Variants in JAK2 observed in about 807,000 individuals in gnomAD.
JAK2 encodes the protein tyrosine-protein kinase JAK2.
JAK2 carries 86 observed loss-of-function variants against 139.3 expected under a neutral mutation model. That is an observed-to-expected ratio of 0.62 (90% CI 0.52 to 0.74). JAK2 has a LOEUF of 0.74. Ranked by LOEUF, JAK2 falls within the 30% of genes least tolerant of loss-of-function variation. The probability of loss-of-function intolerance (pLI) is 0.00; values close to 1 mark genes in which losing one functional copy is unlikely to be tolerated. For missense variants in JAK2, 1,421 were observed against 1,360.3 expected (o/e 1.04, Z -0.70); for synonymous variants, 490 against 437.7 (o/e 1.12, Z -1.49).
At chr9:5,114,238 T>G (rs1586825417) in intron 22 of JAK2, 1 of 528,826 alleles carries the variant, frequency 1.9e-6, no homozygotes, top group South Asian at 1.7e-5. Context: ...ATCCGCAAGT[T>G]GCCCACAATC....
At chr9:5,105,938 T>A (rs1478294001) in intron 22 of JAK2, among the ~76,000 whole-genome samples, 2 of 152,202 alleles carry the variant, frequency 1.3e-5, no homozygotes, top group Non-Finnish European at 1.5e-5. Flanking sequence ...ACTTAAATGT[T>A]AGACTTAAAA....
At chr9:5,077,631 A>G in intron 15 of JAK2, 51 bp downstream of exon 15, 2 of 1,169,584 alleles carry the variant, frequency 1.7e-6, no homozygotes, top group Non-Finnish European at 2.3e-6. Context: ...TTTATAAAAC[A>G]ATATACAAAT....
chr9:5,081,126 A>T (rs1397017459), intron 18 of JAK2, among the ~76,000 whole-genome samples: 1 of 151,814 alleles, frequency 6.6e-6, no homozygotes, highest in Non-Finnish European at 1.5e-5. Flanking sequence ...CGATCTCCTG[A>T]TCTTGTGATC....
chr9:5,003,917 A>G (rs963131917), intron 2 of JAK2, among the ~76,000 whole-genome samples: 1 of 152,078 alleles, frequency 6.6e-6, no homozygotes, highest in African/African-American at 2.4e-5. Flanking sequence ...GTTAAATTTT[A>G]TTAGGAGTAG....
intron 22 of JAK2, chr9:5,111,047 GA>G: frequency 2.0e-6 from 2 of 984,996 alleles, no homozygotes; most frequent in Non-Finnish European, 3.0e-6. Flanking sequence ...GCGCAATTCA[GA>G]GGTTCAGGTC....
intron 19 of JAK2, chr9:5,085,679 A>G (rs112676690): frequency 4.1e-6 from 3 of 737,076 alleles, no homozygotes; most frequent in Non-Finnish European, 7.6e-6. Context: ...AACGTGCATT[A>G]TCAATAACGT....
At chr9:5,108,216 T>C (rs1416905218) in intron 22 of JAK2, 3 of 152,166 alleles carry the variant, frequency 2.0e-5, no homozygotes, top group Non-Finnish European at 2.9e-5. Context: ...TCTATATTGA[T>C]TTCCCTGCAG....
chr9:5,081,573 G>C (rs1819702424), intron 18 of JAK2, 152 bp from the exon 19 acceptor site: 2 of 577,432 alleles, frequency 3.5e-6, no homozygotes, highest in South Asian at 5.0e-5. Flanking sequence ...ATGATTAAAG[G>C]CTCCCATTAA....
intron 2 of JAK2, among the ~76,000 whole-genome samples, chr9:5,010,826 A>G (rs576534721): frequency 1.3e-5 from 2 of 152,232 alleles, no homozygotes; most frequent in South Asian, 2.1e-4. Context: ...ATCTGAAAAC[A>G]TATTTGTTTT....
Position 5,066,669 on chromosome 9 carries a change from T to A in JAK2, c.1215-9T>A. The A allele has an allele frequency of 6.7e-7, 1 of 1,492,612 alleles. No individual in the cohort carries two copies. Among genetic ancestry groups the A allele is most frequent in the Non-Finnish European group, 9.3e-7 (1 of 1,070,202 alleles). The allele number at this position is 1,492,612 out of a possible 1,614,324, so 92.5% of individuals were successfully genotyped here. Reference sequence around the variant, plus strand: ...TATATTATTCAAATTGCTTCTTCTTTACCTTTAGGATGGATTTTGCCATTA... The same window carrying A: ...TATATTATTCAAATTGCTTCTTCTTAACCTTTAGGATGGATTTTGCCATTA... On this transcript the variant is annotated splice_polypyrimidine_tract_variant and intron_variant, in intron 9 of 24. Transcript: ENST00000381652.
chr9:5,008,757 C>T (rs544727511), intron 2 of JAK2, among the ~76,000 whole-genome samples: 2 of 152,310 alleles, frequency 1.3e-5, no homozygotes, highest in East Asian at 3.8e-4. Context: ...ATCTTTTTAA[C>T]ATGAACCCAG....
intron 19 of JAK2, among the ~76,000 whole-genome samples, chr9:5,088,640 A>T (rs1222419398): frequency 6.6e-6 from 1 of 152,202 alleles, no homozygotes; most frequent in Non-Finnish European, 1.5e-5. Flanking sequence ...GGGTAGCTTA[A>T]ACATCAGACA....
chr9:5,041,031 T>C (rs1378629840), intron 4 of JAK2: 2 of 671,218 alleles, frequency 3.0e-6, no homozygotes, highest in Non-Finnish European at 5.5e-6. Flanking sequence ...TGGGTACCGG[T>C]TCTACAAGCA....
intron 3 of JAK2, among the ~76,000 whole-genome samples, chr9:5,026,637 C>A (rs1822799935): frequency 6.6e-6 from 1 of 152,108 alleles, no homozygotes; most frequent in Admixed American, 6.6e-5. Flanking sequence ...GGTTAGAGAA[C>A]ATGGTATGAA....
At chr9:5,004,637 C>T (rs970714214) in intron 2 of JAK2, among the ~76,000 whole-genome samples, 1 of 151,990 alleles carries the variant, frequency 6.6e-6, no homozygotes. Flanking sequence ...TTTTTAGTTC[C>T]AATACCCAGA....
intron 2 of JAK2, among the ~76,000 whole-genome samples, chr9:4,987,928 A>C (rs990672690): frequency 1.2e-4 from 18 of 152,170 alleles, no homozygotes; most frequent in African/African-American, 4.3e-4. Context: ...GAATGACTGC[A>C]TAAGGTGATC....
At chr9:5,078,252 T>C in intron 15 of JAK2, 54 bp from the exon 16 acceptor site, 2 of 1,444,884 alleles carry the variant, frequency 1.4e-6, no homozygotes, top group Non-Finnish European at 1.9e-6. Flanking sequence ...ACATACTAAA[T>C]GCTCCAGTAC....
Position 5,016,710 on chromosome 9 carries a change from G to A in JAK2, c.-25-5253G>A, listed in dbSNP as rs868583024. On this transcript the variant is annotated intron_variant, in intron 2 of 24. Coordinates refer to ENST00000381652, the MANE Select transcript of JAK2 (RefSeq NM_004972.4). ...TGAATTACTGGCAGGAGGCACCCCA[G>A]AGGTCTCCCTGTACCTCCTGCCAGT... 5.3e-5 allele frequency among the ~76,000 whole-genome samples: 8 copies of A among 152,070 alleles called. No individual in the cohort carries two copies. In the South Asian group the frequency reaches 1.7e-3, roughly 32 times the overall value.
intron 2 of JAK2, among the ~76,000 whole-genome samples, chr9:4,986,345 A>G (rs957013186): frequency 6.6e-6 from 1 of 152,202 alleles, no homozygotes; most frequent in Admixed American, 6.5e-5. Context: ...GAGTATTTCC[A>G]AGCAATAAGA....
Sources: allele counts gnomAD v4.1 joint callset (sites outside exome capture counted in the v4.1 genomes callset), GRCh38; gene constraint gnomAD v4.1.1; transcripts MANE v1.5; gene names NCBI Gene and HGNC (gene_info 2026-07-23, HGNC 2026-07-21).